Variants in PRUNE2 observed in about 807,000 individuals in gnomAD.
PRUNE2 encodes the protein prune homolog 2 with BCH domain, also known as protein prune homolog 2.
Under a neutral mutation model 252.0 loss-of-function variants are expected in PRUNE2, and 164 were observed. The ratio of observed to expected loss-of-function variants is 0.65; its 90% CI spans 0.57 to 0.74. The LOEUF (loss-of-function observed/expected upper bound fraction) is 0.74. PRUNE2 is among the 30% of genes least tolerant of loss of function. The pLI is 0.00. For missense variants in PRUNE2, 3,495 were observed against 3,711.0 expected (o/e 0.94, Z 1.51); for synonymous variants, 1,292 against 1,350.2 (o/e 0.96, Z 0.94).
At chr9:76,722,672 CT>C (rs1259957673) in intron 6 of PRUNE2, among the ~76,000 whole-genome samples, 2 of 152,140 alleles carry the variant, frequency 1.3e-5, no homozygotes, top group African/African-American at 4.8e-5. Context: ...CTGTTAAGTA[CT>C]TTGCATCATC....
At chr9:76,776,377 G>C (rs867163738) in intron 6 of PRUNE2, among the ~76,000 whole-genome samples, 11 of 152,186 alleles carry the variant, frequency 7.2e-5, no homozygotes, top group African/African-American at 2.6e-4. Context: ...TTACAAGTGA[G>C]ACCATGTGGT....
At position 76,709,989 on chromosome 9, in the gene PRUNE2, A is replaced by G. The variant is rs759813471; in HGVS notation, c.2285T>C (p.Ile762Thr). The G allele has an allele frequency of 1.9e-6, 3 of 1,613,774 alleles. No individual in the cohort carries two copies. In the Admixed American group the frequency reaches 5.0e-5, roughly 27 times the overall value. The change falls in exon 8 of 19, where the codon ATA becomes ACA. Residue 762 changes from isoleucine (I) to threonine (T), a missense_variant. Transcript: ENST00000376718. ...NTSPQGTNHL[I>T]EDFASLWHSG... ...ATGCCACAAAGAAGCAAAGTCTTCT[A>G]TCAGGTGGTTTGTTCCTTGGGGAGA...
At chr9:76,726,712 C>T (rs2048134481) in intron 6 of PRUNE2, among the ~76,000 whole-genome samples, 1 of 152,196 alleles carries the variant, frequency 6.6e-6, no homozygotes, top group Non-Finnish European at 1.5e-5. Flanking sequence ...CCTCCTTAAT[C>T]TTTATTCTTT....
rs1256252818 is a variant in PRUNE2 at position 76,622,950 on chromosome 9, A to C, written c.9188+1502T>G. 5.9e-5 allele frequency among the ~76,000 whole-genome samples: 9 copies of C among 152,362 alleles called. No individual in the cohort carries two copies. The East Asian group carries it at 1.7e-3, about 29-fold the overall frequency. On this transcript the variant is annotated intron_variant, in intron 17 of 18. Coordinates refer to ENST00000376718, the MANE Select transcript of PRUNE2 (RefSeq NM_015225.3). ...CAAAAGATTGGCACACTACAAGCAA[A>C]TAATCCTATAGGTTATTATAATAAA...
At chr9:76,875,393 T>C (rs973616779) in intron 1 of PRUNE2, among the ~76,000 whole-genome samples, 4 of 152,278 alleles carry the variant, frequency 2.6e-5, no homozygotes, top group South Asian at 4.1e-4. Context: ...TTTGAGACAA[T>C]CTTGCTCTGT....
intron 17 of PRUNE2, among the ~76,000 whole-genome samples, chr9:76,619,622 C>G (rs1477416989): frequency 1.3e-5 from 2 of 152,214 alleles, no homozygotes; most frequent in Non-Finnish European, 2.9e-5. Flanking sequence ...CTCCAAACAC[C>G]TCCAGTGGTC....
chr9:76,705,188 A>T lies in PRUNE2; in HGVS notation c.7086T>A (p.Asp2362Glu). 6.2e-7 allele frequency: 1 copy of T among 1,614,004 alleles called. No homozygotes were observed. The highest frequency in any genetic ancestry group is 2.2e-5 in the East Asian group (1 of 44,886). ...FEYDVMGQNI[D>E]EDLLREPEHF... ...GTTCAGGCTCTCTCAGTAAATCTTC[A>T]TCGATATTCTGGCCCATTACATCAT... is the stretch of plus-strand genomic sequence containing the variant. Residue 2362 changes from aspartate to glutamate, a missense_variant, in exon 8 of 19, where the codon GAT becomes GAA. Coordinates refer to ENST00000376718, the MANE Select transcript of PRUNE2 (RefSeq NM_015225.3).
At chr9:76,803,111 G>A (rs2056676358) in intron 6 of PRUNE2, among the ~76,000 whole-genome samples, 1 of 152,164 alleles carries the variant, frequency 6.6e-6, no homozygotes, top group Non-Finnish European at 1.5e-5. Flanking sequence ...AGGTTTTCAA[G>A]GAGAAATGCC....
chr9:76,634,467 A>G (rs1418914111), intron 15 of PRUNE2, among the ~76,000 whole-genome samples: 1 of 143,138 alleles, frequency 7.0e-6, no homozygotes, highest in Non-Finnish European at 1.6e-5. Flanking sequence ...TGCAAAGACT[A>G]GCTGAGTCTC....
At chr9:76,767,755 C>T (rs1190409725) in intron 6 of PRUNE2, among the ~76,000 whole-genome samples, 1 of 152,146 alleles carries the variant, frequency 6.6e-6, no homozygotes, top group Non-Finnish European at 1.5e-5. Flanking sequence ...CTGCCCAGCA[C>T]AAGTCTATCC....
intron 16 of PRUNE2, among the ~76,000 whole-genome samples, chr9:76,628,390 G>A (rs527910760): frequency 5.1e-4 from 78 of 152,146 alleles, no homozygotes; most frequent in Non-Finnish European, 8.5e-4. Flanking sequence ...CCCACCACTG[G>A]GCAAATGCCC....
chr9:76,827,460 C>A (rs2058411433), intron 4 of PRUNE2, among the ~76,000 whole-genome samples: 2 of 152,170 alleles, frequency 1.3e-5, no homozygotes, highest in South Asian at 4.1e-4. Context: ...CGTACTCTTA[C>A]TCTTCCCTGC....
At chr9:76,660,521 C>T (rs549145629) in intron 9 of PRUNE2, among the ~76,000 whole-genome samples, 8 of 152,154 alleles carry the variant, frequency 5.3e-5, no homozygotes, top group Admixed American at 2.0e-4. Context: ...CGGTGGCTCA[C>T]GCCTGTAATC....
intron 10 of PRUNE2, among the ~76,000 whole-genome samples, chr9:76,654,505 G>C (rs571383814): frequency 1.3e-5 from 2 of 152,308 alleles, no homozygotes; most frequent in Non-Finnish European, 2.9e-5. Context: ...ATGATGAAAA[G>C]GTTCTATATT....
At chr9:76,763,445 G>A (rs1457358785) in intron 6 of PRUNE2, among the ~76,000 whole-genome samples, 1 of 152,176 alleles carries the variant, frequency 6.6e-6, no homozygotes, top group Non-Finnish European at 1.5e-5. Flanking sequence ...CCCCAAGTCT[G>A]AATTAGACGC....
intron 4 of PRUNE2, among the ~76,000 whole-genome samples, chr9:76,833,429 G>GA (rs1210304547): frequency 2.6e-5 from 4 of 152,152 alleles, no homozygotes; most frequent in African/African-American, 9.7e-5. Flanking sequence ...TAGTCAAGTA[G>GA]AAATAGAAGA....
chr9:76,765,771 G>A (rs1388752856), intron 6 of PRUNE2, among the ~76,000 whole-genome samples: 1 of 152,170 alleles, frequency 6.6e-6, no homozygotes, highest in Non-Finnish European at 1.5e-5. Context: ...TTCTGAACTT[G>A]TCCAAACCAG....
intron 6 of PRUNE2, chr9:76,783,935 G>A (rs191961312): frequency 2.6e-3 from 389 of 152,182 alleles, no homozygotes; most frequent in African/African-American, 9.0e-3. Flanking sequence ...ATTTTTGATG[G>A]CCTTAAGTTC....
At chr9:76,650,454 G>A (rs781392953) in intron 11 of PRUNE2, among the ~76,000 whole-genome samples, 5 of 152,052 alleles carry the variant, frequency 3.3e-5, no homozygotes, top group Non-Finnish European at 7.4e-5. Context: ...AAATGGTCGC[G>A]TGAGAAACCT....
Sources: gnomAD v4.1 joint callset for allele counts (sites outside exome capture counted in the v4.1 genomes callset) on GRCh38, gnomAD v4.1.1 for gene constraint, MANE v1.5 for transcripts, NCBI Gene and HGNC (gene_info 2026-07-23, HGNC 2026-07-21) for gene names.